PRKN: variants seen among roughly 807,000 people sequenced by gnomAD.
PRKN encodes E3 ubiquitin-protein ligase parkin.
PRKN carries 56 observed loss-of-function variants against 59.5 expected under a neutral mutation model. The observed-to-expected ratio is 0.94, with a 90% confidence interval of 0.76 to 1.18. PRKN has a LOEUF of 1.18. PRKN is among the 50% of genes most tolerant of loss of function. The pLI, the probability that PRKN is intolerant of heterozygous loss-of-function variation, is 0.00. For synonymous variants in PRKN, 250 were observed against 222.1 expected, an observed-to-expected ratio of 1.13 and a Z score of -1.12; for missense variants, 657 against 596.4, an observed-to-expected ratio of 1.10 and a Z score of -1.06.
At position 161,578,571 on chromosome 6, in the gene PRKN, T is replaced by C. The variant is rs925470441; in HGVS notation, c.872-9155A>G. ...CATTGATCTGCTCAACTCCAATCAG[T>C]TTCCCACTTGAAAGATCTGCAATAA... On this transcript the variant is annotated intron_variant, in intron 7 of 11. Transcript: ENST00000366898. The surrounding 1 kb of genome is among the most constrained non-coding windows in gnomAD (Gnocchi z 4.2). Among the ~76,000 whole-genome samples the C allele has an allele frequency of 2.6e-5, 4 of 152,116 alleles. No individual in the cohort carries two copies. Among genetic ancestry groups the C allele is most frequent in the Admixed American group, 1.3e-4 (2 of 15,278 alleles).
At chr6:162,444,880 C>A (rs1790234441) in intron 1 of PRKN, among the ~76,000 whole-genome samples, 2 of 152,098 alleles carry the variant, frequency 1.3e-5, no homozygotes, top group Non-Finnish European at 2.9e-5. Flanking sequence ...CATAAATAAA[C>A]CACAGACCAT....
chr6:162,285,985 T>C (rs577823797), intron 2 of PRKN, among the ~76,000 whole-genome samples: 2 of 152,200 alleles, frequency 1.3e-5, no homozygotes, highest in South Asian at 4.2e-4. Context: ...AGCTGGGAGC[T>C]CACATCCTAT....
chr6:162,032,432 T>G (rs977564955), intron 5 of PRKN, among the ~76,000 whole-genome samples: 7 of 152,076 alleles, frequency 4.6e-5, no homozygotes, highest in African/African-American at 1.4e-4. Context: ...CATTTTAAAA[T>G]CAGGAGACAA....
chr6:162,230,625 T>C (rs903022094), intron 3 of PRKN, among the ~76,000 whole-genome samples: 1 of 151,586 alleles, frequency 6.6e-6, no homozygotes, highest in African/African-American at 2.4e-5. Context: ...CAGAACAGCA[T>C]ACATAACTTG....
intron 2 of PRKN, among the ~76,000 whole-genome samples, chr6:162,273,819 C>A (rs967681663): frequency 2.6e-5 from 4 of 152,124 alleles, no homozygotes; most frequent in Non-Finnish European, 5.9e-5. Context: ...CAACTTGAGT[C>A]CAACCTTGTT....
chr6:162,465,022 C>A (rs1219281926), intron 1 of PRKN, among the ~76,000 whole-genome samples: 1 of 152,072 alleles, frequency 6.6e-6, no homozygotes, highest in Non-Finnish European at 1.5e-5. Context: ...GTAACATATC[C>A]CTATTCTGCA....
intron 1 of PRKN, among the ~76,000 whole-genome samples, chr6:162,639,570 A>C (rs1777881975): frequency 6.6e-6 from 1 of 152,184 alleles, no homozygotes; most frequent in Admixed American, 6.5e-5. Flanking sequence ...CTGTATCTCT[A>C]CTAGACAAAA....
chr6:161,757,840 T>TCCCTCTCC (rs1273935807), intron 7 of PRKN, among the ~76,000 whole-genome samples: 18 of 100,136 alleles, frequency 1.8e-4, no homozygotes, highest in Non-Finnish European at 2.6e-4. Context: ...TCCATCTCTC[T>TCCCTCTCC]CTCTCTCTCT....
intron 1 of PRKN, among the ~76,000 whole-genome samples, chr6:162,620,603 G>C (rs561818789): frequency 5.9e-5 from 9 of 152,204 alleles, no homozygotes; most frequent in Admixed American, 5.2e-4. Flanking sequence ...TTCCCTTTTA[G>C]TTCTCCATTT....
At chr6:162,084,347 A>C (rs1014967909) in intron 4 of PRKN, among the ~76,000 whole-genome samples, 1 of 152,280 alleles carries the variant, frequency 6.6e-6, no homozygotes, top group South Asian at 2.1e-4. Flanking sequence ...AGCTCCGTGG[A>C]GTCAACATCT....
chr6:161,666,797 A>G (rs1215992086), intron 7 of PRKN, among the ~76,000 whole-genome samples: 1 of 152,202 alleles, frequency 6.6e-6, no homozygotes, highest in Non-Finnish European at 1.5e-5. Flanking sequence ...GGAAGAAAGC[A>G]GTGAGAGGCG....
Position 161,912,984 on chromosome 6 carries a change from C to G in PRKN, c.734+60318G>C, listed in dbSNP as rs180684731. ...CTGAAGTCAGGACTTTGAGACCAGC[C>G]TGGCCAACATGGTGAAACCCCATCT... is the stretch of plus-strand genomic sequence containing the variant. On this transcript the variant is annotated intron_variant, in intron 6 of 11. Transcript: ENST00000366898. 1.3e-3 allele frequency among the ~76,000 whole-genome samples: 197 copies of G among 152,124 alleles called. No individual in the cohort carries two copies. The South Asian group carries it at 0.015, about 12-fold the overall frequency.
intron 6 of PRKN, among the ~76,000 whole-genome samples, chr6:161,791,514 CTGTT>C (rs1203730014): frequency 6.6e-6 from 1 of 152,212 alleles, no homozygotes; most frequent in African/African-American, 2.4e-5. Flanking sequence ...CAAAATCTGT[CTGTT>C]TCTCTTTCTC....
chr6:162,204,571 G>A (rs2128331924), intron 3 of PRKN, among the ~76,000 whole-genome samples: 2 of 152,292 alleles, frequency 1.3e-5, no homozygotes, highest in South Asian at 4.1e-4. Flanking sequence ...AAATTCTCCT[G>A]GATATCTGCC....
At chr6:162,285,515 T>C (rs1781147557) in intron 2 of PRKN, among the ~76,000 whole-genome samples, 1 of 152,228 alleles carries the variant, frequency 6.6e-6, no homozygotes, top group African/African-American at 2.4e-5. Flanking sequence ...AGGAGTTATA[T>C]AGTAGGATCT....
chr6:162,344,289 G>A (rs560538323), intron 2 of PRKN, among the ~76,000 whole-genome samples: 15 of 152,006 alleles, frequency 9.9e-5, no homozygotes, highest in Admixed American at 3.3e-4. Flanking sequence ...ATCTCAAATC[G>A]TCTACAGAGA....
In PRKN at chr6:161,410,816, C is replaced by T. The variant is rs182959306; in HGVS notation, c.1084-23939G>A. On this transcript the variant is annotated intron_variant, in intron 9 of 11. Coordinates refer to ENST00000366898, the MANE Select transcript of PRKN (RefSeq NM_004562.3). This position sits in a 1 kb window ranked among gnomAD's most constrained non-coding sequence, Gnocchi z 5.3. ...GCAGCAGCCTCAGGTATGGGCAGAACGTTGAATCCTCAGAATGATATGGGA... is the reference window on the plus strand; with the variant it reads ...GCAGCAGCCTCAGGTATGGGCAGAATGTTGAATCCTCAGAATGATATGGGA... 6.2e-4 allele frequency among the ~76,000 whole-genome samples: 95 copies of T among 152,150 alleles called. No homozygotes were observed. Among genetic ancestry groups the T allele is most frequent in the Non-Finnish European group, 1.2e-3 (82 of 67,998 alleles).
At chr6:161,922,929 T>C (rs1778837494) in intron 6 of PRKN, among the ~76,000 whole-genome samples, 1 of 152,254 alleles carries the variant, frequency 6.6e-6, no homozygotes, top group African/African-American at 2.4e-5. Flanking sequence ...TGTGATCATA[T>C]TTCACAATTG....
At chr6:162,209,797 G>A (rs1785116911) in intron 3 of PRKN, among the ~76,000 whole-genome samples, 1 of 152,166 alleles carries the variant, frequency 6.6e-6, no homozygotes, top group South Asian at 2.1e-4. Context: ...ATGAGTTCAT[G>A]TCCTTTGTGG....
Sources: allele counts gnomAD v4.1 joint callset (sites outside exome capture counted in the v4.1 genomes callset), GRCh38; gene constraint gnomAD v4.1.1; non-coding constraint Gnocchi (gnomAD v3.1); transcripts MANE v1.5; gene names NCBI Gene and HGNC (gene_info 2026-07-23, HGNC 2026-07-21).